COL12A1: variants seen among roughly 807,000 people sequenced by gnomAD.
COL12A1 encodes the protein collagen alpha-1(XII) chain.
In COL12A1, 114 loss-of-function variants were observed where a neutral mutation model predicts 349.7. The observed-to-expected ratio is 0.33, with a 90% CI of 0.28 to 0.38. COL12A1 has a LOEUF of 0.38. Among genes scored for constraint, COL12A1 ranks in the 10% least tolerant of loss-of-function variants. The probability of loss-of-function intolerance (pLI) is 1.00; values close to 1 mark genes in which losing one functional copy is unlikely to be tolerated. For missense variants in COL12A1, 3,284 were observed against 3,756.9 expected, an observed-to-expected ratio of 0.87 and a Z score of 3.29; for synonymous variants, 1,369 against 1,329.0, an observed-to-expected ratio of 1.03 and a Z score of -0.66.
chr6:75,178,156 G>T (rs1234702373), intron 11 of COL12A1, among the ~76,000 whole-genome samples: 1 of 152,038 alleles, frequency 6.6e-6, no homozygotes, highest in African/African-American at 2.4e-5. Context: ...AAGAAACTAA[G>T]TACTGTTAAT....
chr6:75,165,891 G>T, intron 13 of COL12A1, 112 bp from the exon 14 acceptor site: 2 of 1,050,088 alleles, frequency 1.9e-6, no homozygotes, highest in Non-Finnish European at 2.7e-6. Context: ...CACTCAATTT[G>T]TCTAAAATTG....
chr6:75,136,372 T>C (rs1345981359), intron 31 of COL12A1, among the ~76,000 whole-genome samples: 2 of 152,172 alleles, frequency 1.3e-5, no homozygotes, highest in African/African-American at 2.4e-5. Context: ...TACCTAAGAC[T>C]GGAGCTATAA....
intron 65 of COL12A1, 136 bp from the exon 66 acceptor site, chr6:75,086,693 C>T (rs1455317690): frequency 2.9e-6 from 1 of 346,754 alleles, no homozygotes; most frequent in Non-Finnish European, 4.5e-6. Context: ...TTTAGTTATT[C>T]TCACATCCCA....
intron 13 of COL12A1, among the ~76,000 whole-genome samples, chr6:75,172,752 A>G (rs1413891694): frequency 6.6e-6 from 1 of 152,230 alleles, no homozygotes; most frequent in Non-Finnish European, 1.5e-5. Context: ...TGTGTTACCA[A>G]TTATATTTGA....
At chr6:75,131,427 G>T (rs1314781477) in intron 35 of COL12A1, among the ~76,000 whole-genome samples, 3 of 152,110 alleles carry the variant, frequency 2.0e-5, no homozygotes, top group Non-Finnish European at 4.4e-5. Context: ...CAGTGTTCTT[G>T]CCAAATGCAT....
At chr6:75,100,605 C>T (rs515103) in intron 58 of COL12A1, among the ~76,000 whole-genome samples, 5,970 of 152,172 alleles carry the variant, frequency 0.039, 393 homozygotes, top group African/African-American at 0.14. Flanking sequence ...TTTCTCTCCC[C>T]GAAACTCAAA....
intron 2 of COL12A1, among the ~76,000 whole-genome samples, chr6:75,199,073 T>C (rs1433360395): frequency 2.0e-5 from 3 of 152,188 alleles, no homozygotes; most frequent in African/African-American, 4.8e-5. Context: ...AAAAATAATA[T>C]TTTAGAATAA....
At chr6:75,144,974 T>C (rs1483787712) in intron 25 of COL12A1, among the ~76,000 whole-genome samples, 3 of 152,228 alleles carry the variant, frequency 2.0e-5, no homozygotes, top group Admixed American at 6.5e-5. Flanking sequence ...CAATGCTATA[T>C]GTCATATTTC....
chr6:75,138,748 T>C, intron 28 of COL12A1, 74 bp downstream of exon 28: 1 of 1,592,924 alleles, frequency 6.3e-7, no homozygotes, highest in Non-Finnish European at 8.6e-7. Flanking sequence ...AGAGTAATAC[T>C]TCTTTGAACT....
At chr6:75,161,298 A>T (rs116625935) in intron 14 of COL12A1, among the ~76,000 whole-genome samples, 1 of 152,154 alleles carries the variant, frequency 6.6e-6, no homozygotes, top group Non-Finnish European at 1.5e-5. Context: ...ACTTTAAATC[A>T]TCTCTGCATT....
At chr6:75,155,938 T>C in intron 15 of COL12A1, 84 bp from the exon 16 acceptor site, 1 of 1,391,306 alleles carries the variant, frequency 7.2e-7, no homozygotes, top group Non-Finnish European at 9.7e-7. Context: ...CAAAAATGCA[T>C]ATCCATAAAA....
rs758206640 is a variant in COL12A1 at position 75,130,215 on chromosome 6, C to T, written c.6086G>A (p.Arg2029Lys). ...QGRTLPRSGP[R>K]NLRVFGETTN... ...TGTTTCACCAAAGACTCTCAGGTTC[C>T]TTGGTCCACTGCGTGGTACTAAATA... Residue 2029 changes from arginine (R) to lysine (K), a missense_variant, in exon 37 of 66, where the codon AGG becomes AAG. This residue lies in a region of COL12A1 where 2,601 missense variants were observed against 2,824.8 expected (regional missense o/e 0.92). Coordinates refer to ENST00000322507, the MANE Select transcript of COL12A1 (RefSeq NM_004370.6). 6.2e-7 allele frequency: 1 copy of T among 1,613,922 alleles called. No individual in the cohort carries two copies. Among genetic ancestry groups the T allele is most frequent in the Admixed American group, 1.7e-5 (1 of 60,000 alleles).
chr6:75,151,264 C>A lies in COL12A1; in HGVS notation c.4024G>T (p.Glu1342Ter). ...GGATCAGTTGCAATCATCTTTAATT[C>A]GACTTCATCAGCATTTTTAATACCT... Reference protein sequence around the residue: ...AIGIKNADEVELKMIATDPDD... With the variant: ...AIGIKNADEV The change falls in exon 21 of 66, where the codon GAA becomes TAA. Residue 1342 changes from glutamate (E) to a stop codon, truncating the protein, a stop_gained. Coordinates refer to ENST00000322507, the MANE Select transcript of COL12A1 (RefSeq NM_004370.6). LOFTEE classifies it high-confidence loss of function. 1 of 1,612,934 alleles carries A rather than the reference C, an allele frequency of 6.2e-7. No individual in the cohort carries two copies. The highest frequency in any genetic ancestry group is 8.5e-7 in the Non-Finnish European group (1 of 1,179,260).
intron 49 of COL12A1, among the ~76,000 whole-genome samples, chr6:75,115,517 C>G (rs1300909415): frequency 6.6e-6 from 1 of 152,090 alleles, no homozygotes; most frequent in Non-Finnish European, 1.5e-5. Context: ...GCTTTTCTAG[C>G]CTTAAATTCA....
At chr6:75,146,014 G>A in intron 24 of COL12A1, 88 bp downstream of exon 24, 2 of 1,307,754 alleles carry the variant, frequency 1.5e-6, no homozygotes, top group East Asian at 2.5e-5. Context: ...AGTTATAAAT[G>A]AGTTTGTAAG....
At chr6:75,152,616 A>C in intron 17 of COL12A1, 134 bp from the exon 18 acceptor site, 1 of 902,220 alleles carries the variant, frequency 1.1e-6, no homozygotes, top group Admixed American at 2.4e-5. Context: ...AGTGATGTGG[A>C]GTATAAGACT....
chr6:75,158,155 C>G (rs998774051), intron 14 of COL12A1, among the ~76,000 whole-genome samples: 21 of 152,114 alleles, frequency 1.4e-4, no homozygotes, highest in African/African-American at 4.6e-4. Flanking sequence ...AGGTCTCCCA[C>G]CACTAAATTC....
At position 75,085,435 on chromosome 6, in the gene COL12A1, AATC is replaced by A; in HGVS notation, c.*1109_*1111del. 2.3e-6 allele frequency: 1 copy of A among 436,654 alleles called. No individual in the cohort carries two copies. Among genetic ancestry groups the A allele is most frequent in the Non-Finnish European group, 4.9e-6 (1 of 203,410 alleles). 27.0% of individuals were successfully genotyped at this position (436,654 alleles called of 1,614,324 possible). ...ACACACACACACACAGCAAAAGCTA[AATC>A]ATCACCCGCGGTGATGGCACTCCAG... On this transcript the variant is annotated 3_prime_UTR_variant, in exon 66 of 66. Transcript: ENST00000322507.
Position 75,133,840 on chromosome 6 carries a change from A to C in COL12A1, c.5664+18T>G. On this transcript the variant is annotated intron_variant, in intron 33 of 65. Transcript: ENST00000322507. The stretch of plus-strand genomic sequence containing the variant: ...CCATTTAAACAAACTAGCATTTTTT[A>C]CTACAAGAAATAATTACCAGTTCCT... 12 of 1,612,734 alleles carry C rather than the reference A, an allele frequency of 7.4e-6. No individual in the cohort carries two copies. Among genetic ancestry groups the C allele is most frequent in the Non-Finnish European group, 9.3e-6 (11 of 1,179,422 alleles).
Sources: allele counts gnomAD v4.1 joint callset (sites outside exome capture counted in the v4.1 genomes callset), GRCh38; gene constraint gnomAD v4.1.1; regional missense constraint gnomAD v4.1.1; transcripts MANE v1.5; gene names NCBI Gene and HGNC (gene_info 2026-07-23, HGNC 2026-07-21).